The following KDM3B variants were observed in gnomAD, a reference collection of about 807,000 sequenced individuals.
KDM3B encodes lysine demethylase 3B.
In KDM3B, 10 loss-of-function variants were observed where a neutral mutation model predicts 170.0. The ratio of observed to expected loss-of-function variants is 0.06; its 90% CI spans 0.04 to 0.10. The LOEUF is 0.10. Ranked by LOEUF, KDM3B falls within the 10% of genes least tolerant of loss-of-function variation. The pLI is 1.00. For missense variants in KDM3B, 1,394 were observed against 2,195.2 expected (o/e 0.64, Z 7.29); for synonymous variants, 831 against 834.8 (o/e 1.00, Z 0.08).
intron 1 of KDM3B, among the ~76,000 whole-genome samples, chr5:138,356,345 A>G (rs1028992473): frequency 2.6e-5 from 4 of 152,240 alleles, no homozygotes; most frequent in South Asian, 4.2e-4. Context: ...ACTCCCACCA[A>G]CAGTACTCAG....
At chr5:138,419,803 A>T (rs2126992564) in intron 14 of KDM3B, among the ~76,000 whole-genome samples, 1 of 150,192 alleles carries the variant, frequency 6.7e-6, no homozygotes, top group East Asian at 2.0e-4. Flanking sequence ...TTCTTTCTAG[A>T]AGTGGAACTT....
At chr5:138,415,766 A>C (rs1435251096) in intron 12 of KDM3B, among the ~76,000 whole-genome samples, 4 of 151,846 alleles carry the variant, frequency 2.6e-5, no homozygotes, top group African/African-American at 9.7e-5. Flanking sequence ...GGATCTTTAG[A>C]TATGTGTTAG....
chr5:138,361,369 C>A (rs1020602031), intron 1 of KDM3B, among the ~76,000 whole-genome samples: 1 of 150,106 alleles, frequency 6.7e-6, no homozygotes, highest in African/African-American at 2.5e-5. Flanking sequence ...TTCATGACTT[C>A]AGAGGTAATC....
intron 11 of KDM3B, among the ~76,000 whole-genome samples, chr5:138,407,277 C>T (rs984045413): frequency 2.6e-5 from 4 of 152,074 alleles, no homozygotes; most frequent in African/African-American, 4.8e-5. Flanking sequence ...TGAGCCACCA[C>T]GCCCAGCCTA....
chr5:138,401,605 G>C (rs986063818), intron 11 of KDM3B, among the ~76,000 whole-genome samples: 29 of 152,284 alleles, frequency 1.9e-4, no homozygotes, highest in African/African-American at 7.0e-4. Flanking sequence ...TTGTGTGAAC[G>C]TATGGTTGCA....
intron 14 of KDM3B, 93 bp downstream of exon 14, chr5:138,419,325 T>C (rs1763192439): frequency 7.2e-7 from 1 of 1,380,528 alleles, no homozygotes; most frequent in Non-Finnish European, 9.8e-7. Flanking sequence ...TCCACATTTA[T>C]GAAACATGCT....
chr5:138,381,711 T>C, intron 6 of KDM3B, 121 bp downstream of exon 6: 1 of 635,166 alleles, frequency 1.6e-6, no homozygotes, highest in Non-Finnish European at 2.8e-6. Context: ...TTAGCCACTG[T>C]ACATTTTTTT....
intron 6 of KDM3B, among the ~76,000 whole-genome samples, chr5:138,384,717 C>T (rs970553945): frequency 3.6e-5 from 5 of 138,468 alleles, no homozygotes; most frequent in African/African-American, 1.1e-4. Flanking sequence ...CCAGCCTGCA[C>T]GACAAGAGCG....
At chr5:138,383,868 T>A (rs1762186791) in intron 6 of KDM3B, among the ~76,000 whole-genome samples, 1 of 151,188 alleles carries the variant, frequency 6.6e-6, no homozygotes, top group East Asian at 1.9e-4. Context: ...GAAAATCGCT[T>A]GAACACAGGA....
intron 11 of KDM3B, among the ~76,000 whole-genome samples, chr5:138,405,046 A>T (rs544971097): frequency 5.9e-4 from 75 of 126,764 alleles, no homozygotes; most frequent in Admixed American, 1.7e-3. Flanking sequence ...CAGCCTACAA[A>T]TTTTTTTTTT....
intron 22 of KDM3B, among the ~76,000 whole-genome samples, chr5:138,430,877 C>T (rs1457706770): frequency 7.3e-5 from 11 of 151,494 alleles, no homozygotes; most frequent in East Asian, 1.9e-4. Flanking sequence ...GCAACAAGAG[C>T]GAAACTCAGT....
rs28561931 is a variant in KDM3B, at chr5:138,419,109, G to T, written c.3592G>T (p.Ala1198Ser). Reference sequence around the variant, plus strand: ...AGAGCCTCTGAAAACAGACAGTTCGGCATCAAATAGCAATAGTGAACTGAA... The same window carrying T: ...AGAGCCTCTGAAAACAGACAGTTCGTCATCAAATAGCAATAGTGAACTGAA... ...SEEPLKTDSS[A>S]SNSNSELKAI... The change falls in exon 14 of 24, where the codon GCA (alanine) becomes TCA (serine). Residue 1198 changes from alanine (A) to serine (S), a missense_variant. By Grantham distance (99) the Ala-to-Ser change is moderately conservative. Transcript: ENST00000314358. 1.6e-3 allele frequency: 2,616 copies of T among 1,614,178 alleles called. 35 individuals are homozygous for T. In the African/African-American group the frequency reaches 0.03, roughly 18 times the overall value.
At chr5:138,428,189 T>C (rs1763442147) in intron 20 of KDM3B, 103 bp downstream of exon 20, 4 of 1,193,444 alleles carry the variant, frequency 3.4e-6, no homozygotes, top group Non-Finnish European at 4.7e-6. Context: ...CTTTTTTTTT[T>C]CTTTTTCTTT....
chr5:138,427,905 T>C, intron 19 of KDM3B, 62 bp from the exon 20 acceptor site: 1 of 1,517,110 alleles, frequency 6.6e-7, no homozygotes, highest in East Asian at 2.3e-5. Flanking sequence ...TCAGATGTAG[T>C]GTCGACGTGG....
intron 16 of KDM3B, among the ~76,000 whole-genome samples, chr5:138,424,704 G>A (rs1450665884): frequency 2.6e-5 from 4 of 152,110 alleles, no homozygotes; most frequent in African/African-American, 7.2e-5. Context: ...CACTTTACCC[G>A]GGAAGCAGAG....
intron 1 of KDM3B, 69 bp downstream of exon 1, chr5:138,353,056 C>CG: frequency 1.6e-6 from 1 of 621,502 alleles, no homozygotes; most frequent in Non-Finnish European, 2.0e-6. Flanking sequence ...CCCCGGGGGC[C>CG]TTTGTGAGGG....
intron 11 of KDM3B, among the ~76,000 whole-genome samples, chr5:138,411,067 C>A (rs1762955331): frequency 6.7e-6 from 1 of 149,408 alleles, no homozygotes; most frequent in Non-Finnish European, 1.5e-5. Flanking sequence ...TCTAAACTCC[C>A]CCAGGGAAAA....
intron 15 of KDM3B, 118 bp downstream of exon 15, chr5:138,421,080 C>A: frequency 8.4e-7 from 1 of 1,190,602 alleles, no homozygotes; most frequent in Non-Finnish European, 1.2e-6. Context: ...GTCAAGCTGA[C>A]AAGGTCTCTC....
chr5:138,368,868 C>A (rs1396980015), intron 1 of KDM3B, among the ~76,000 whole-genome samples: 2 of 152,054 alleles, frequency 1.3e-5, no homozygotes, highest in African/African-American at 2.4e-5. Flanking sequence ...TTAGCTTTTT[C>A]TAATGTTTTT....
Sources: gnomAD v4.1 joint callset for allele counts (sites outside exome capture counted in the v4.1 genomes callset) on GRCh38, gnomAD v4.1.1 for gene constraint, MANE v1.5 for transcripts, NCBI Gene and HGNC (gene_info 2026-07-23, HGNC 2026-07-21) for gene names.